Variants in MCTP1 observed in about 807,000 individuals in gnomAD.
MCTP1 encodes multiple C2 and transmembrane domain-containing protein 1.
MCTP1 carries 69 observed loss-of-function variants against 120.6 expected under a neutral mutation model. That is an observed-to-expected ratio of 0.57 (90% CI 0.47 to 0.70). The LOEUF is 0.70. Ranked by LOEUF, MCTP1 falls within the 30% of genes least tolerant of loss-of-function variation. The probability of loss-of-function intolerance (pLI) is 0.00; values close to 1 mark genes in which losing one functional copy is unlikely to be tolerated. For synonymous variants in MCTP1, 529 were observed against 493.1 expected, an observed-to-expected ratio of 1.07 and a Z score of -0.96; for missense variants, 1,203 against 1,248.8, an observed-to-expected ratio of 0.96 and a Z score of 0.55.
intron 19 of MCTP1, among the ~76,000 whole-genome samples, chr5:94,731,420 G>A (rs1026065644): frequency 3.3e-5 from 5 of 152,102 alleles, no homozygotes; most frequent in Non-Finnish European, 7.4e-5. Flanking sequence ...TATGTAGTAA[G>A]TTCTCAAAAA....
At chr5:94,849,186 G>A (rs930544751) in intron 17 of MCTP1, among the ~76,000 whole-genome samples, 3 of 151,882 alleles carry the variant, frequency 2.0e-5, no homozygotes, top group African/African-American at 7.3e-5. Context: ...GACACTCATC[G>A]GTGTGAATTA....
chr5:94,912,704 A>C, intron 9 of MCTP1, 102 bp downstream of exon 9: 1 of 897,624 alleles, frequency 1.1e-6, no homozygotes, highest in Non-Finnish European at 1.6e-6. Context: ...GAGTTTGTTA[A>C]GCATTTAAAA....
intron 10 of MCTP1, among the ~76,000 whole-genome samples, chr5:94,901,104 G>C (rs1805408718): frequency 6.6e-6 from 1 of 152,116 alleles, no homozygotes; most frequent in South Asian, 2.1e-4. Flanking sequence ...CCCAACACTG[G>C]GTAATTTATA....
chr5:95,222,394 T>TTG (rs1753790226), intron 1 of MCTP1, among the ~76,000 whole-genome samples: 1 of 152,272 alleles, frequency 6.6e-6, no homozygotes, highest in Admixed American at 6.5e-5. Context: ...GGAGGACAAT[T>TTG]AGCAGTCTCT....
At chr5:94,820,578 A>C (rs2153100064) in intron 17 of MCTP1, among the ~76,000 whole-genome samples, 1 of 152,272 alleles carries the variant, frequency 6.6e-6, no homozygotes, top group East Asian at 1.9e-4. Flanking sequence ...TTACAGATTT[A>C]TGTTTTGGTT....
intron 1 of MCTP1, among the ~76,000 whole-genome samples, chr5:95,220,157 C>T (rs1293311405): frequency 6.6e-6 from 1 of 152,148 alleles, no homozygotes; most frequent in East Asian, 1.9e-4. Flanking sequence ...CCTTAAGCGG[C>T]TGCTAATAGC....
intron 1 of MCTP1, among the ~76,000 whole-genome samples, chr5:95,208,728 G>GAAA (rs35256756): frequency 1.6e-5 from 2 of 126,938 alleles, no homozygotes; most frequent in African/African-American, 6.1e-5. Flanking sequence ...AACCCTTTCA[G>GAAA]AAAAAAAAAA....
At position 95,055,883 on chromosome 5, in the gene MCTP1, A is replaced by G. The variant is rs562917149; in HGVS notation, c.721-38399T>C. Among the ~76,000 whole-genome samples the G allele has an allele frequency of 5.9e-5, 9 of 152,364 alleles. No homozygotes were observed. The South Asian group carries it at 1.0e-3, about 18-fold the overall frequency. ...TAAAACAATACCTGGCTTATAAGCA[A>G]TGAATAAACATTAGTTAGCTACCAT... On this transcript the variant is annotated intron_variant, in intron 1 of 22. Coordinates refer to ENST00000515393, the MANE Select transcript of MCTP1 (RefSeq NM_024717.7).
chr5:95,110,539 C>A (rs1426094), intron 1 of MCTP1, among the ~76,000 whole-genome samples: 1 of 152,036 alleles, frequency 6.6e-6, no homozygotes, highest in Non-Finnish European at 1.5e-5. Flanking sequence ...TAAAATAAAC[C>A]TTTATTATGT....
chr5:95,000,955 A>C (rs1373221719), intron 2 of MCTP1, among the ~76,000 whole-genome samples: 2 of 152,334 alleles, frequency 1.3e-5, no homozygotes, highest in Non-Finnish European at 1.5e-5. Context: ...CTCACTTTCA[A>C]CTGTAATCCC....
intron 17 of MCTP1, among the ~76,000 whole-genome samples, chr5:94,861,872 C>T (rs1228070933): frequency 6.6e-6 from 1 of 151,636 alleles, no homozygotes; most frequent in African/African-American, 2.4e-5. Flanking sequence ...GCTGAAACTA[C>T]CAGATAAGTA....
chr5:95,099,468 G>C (rs1190389970), intron 1 of MCTP1, among the ~76,000 whole-genome samples: 1 of 152,050 alleles, frequency 6.6e-6, no homozygotes, highest in Admixed American at 6.6e-5. Context: ...CGAAGGACAT[G>C]AACAGACATT....
In MCTP1 at chr5:94,942,438, A is replaced by G; in HGVS notation, c.982-11T>C. On this transcript the variant is annotated splice_polypyrimidine_tract_variant and intron_variant, in intron 3 of 22. Transcript: ENST00000515393. Reference sequence around the variant, plus strand: ...ATCATAGTCAAATACCTGAGATGCCAAAGAGAAAAAGCCTTGTTATAAATA... The same window carrying G: ...ATCATAGTCAAATACCTGAGATGCCGAAGAGAAAAAGCCTTGTTATAAATA... The G allele has an allele frequency of 6.3e-7, 1 of 1,582,272 alleles. No individual in the cohort carries two copies.
chr5:94,757,441 TTTGAG>T (rs1162763976), intron 19 of MCTP1, among the ~76,000 whole-genome samples: 2 of 152,140 alleles, frequency 1.3e-5, no homozygotes, highest in African/African-American at 4.8e-5. Context: ...TCAAAGATGA[TTTGAG>T]TTTTTATGTC....
intron 3 of MCTP1, among the ~76,000 whole-genome samples, chr5:94,943,800 C>T (rs1818301891): frequency 6.6e-6 from 1 of 151,848 alleles, no homozygotes; most frequent in Non-Finnish European, 1.5e-5. Context: ...AAAAACGCTA[C>T]CAGATGAAAT....
At position 94,973,526 on chromosome 5, in the gene MCTP1, A is replaced by G. The variant is rs544138682; in HGVS notation, c.839-20165T>C. Among the ~76,000 whole-genome samples, 7 of 152,304 alleles carry G rather than the reference A, an allele frequency of 4.6e-5. No individual in the cohort carries two copies. In the South Asian group the frequency reaches 1.5e-3, roughly 32 times the overall value. On this transcript the variant is annotated intron_variant, in intron 2 of 22. Coordinates refer to ENST00000515393, the MANE Select transcript of MCTP1 (RefSeq NM_024717.7). ...CTTTTGTCTCCATTAGACCAAAAAT[A>G]GTATGAAGACAGAGACCATTTTTGC...
chr5:94,768,116 T>A (rs560148496), intron 19 of MCTP1, among the ~76,000 whole-genome samples: 193 of 152,260 alleles, frequency 1.3e-3, no homozygotes, highest in South Asian at 2.3e-3. Context: ...TAAAGCCTAC[T>A]GATTTTCAAC....
At chr5:94,827,245 T>C (rs1295570574) in intron 17 of MCTP1, among the ~76,000 whole-genome samples, 1 of 152,202 alleles carries the variant, frequency 6.6e-6, no homozygotes, top group Non-Finnish European at 1.5e-5. Context: ...TTTGGCTGGA[T>C]ATGAAATTCT....
intron 12 of MCTP1, among the ~76,000 whole-genome samples, chr5:94,879,533 A>C (rs1244577225): frequency 1.3e-5 from 2 of 152,122 alleles, no homozygotes; most frequent in East Asian, 3.9e-4. Flanking sequence ...GGAACTCTTA[A>C]AAATTATTGA....
Sources: gnomAD v4.1 joint callset for allele counts (sites outside exome capture counted in the v4.1 genomes callset) on GRCh38, gnomAD v4.1.1 for gene constraint, MANE v1.5 for transcripts, NCBI Gene and HGNC (gene_info 2026-07-23, HGNC 2026-07-21) for gene names.